The following KPNA5 variants were observed in gnomAD, a reference collection of about 807,000 sequenced individuals.
KPNA5 encodes karyopherin subunit alpha 5.
Under a neutral mutation model 71.3 loss-of-function variants are expected in KPNA5, and 46 were observed. The ratio of observed to expected loss-of-function variants is 0.65; its 90% CI spans 0.51 to 0.83. KPNA5 has a LOEUF of 0.83. Among genes scored for constraint, KPNA5 ranks in the 40% least tolerant of loss-of-function variants. KPNA5 has a pLI of 0.00. For missense variants in KPNA5, 547 were observed against 628.3 expected (o/e 0.87, Z 1.38); for synonymous variants, 207 against 201.4 (o/e 1.03, Z -0.24).
chr6:116,681,399 T>A, intron 1 of KPNA5, 61 bp downstream of exon 1: 4 of 1,498,432 alleles, frequency 2.7e-6, no homozygotes, highest in Non-Finnish European at 3.6e-6. Flanking sequence ...CTTTGGGAAC[T>A]ACTAGTTCCT....
chr6:116,702,177 T>C, intron 6 of KPNA5, 27 bp downstream of exon 6: 1 of 1,589,892 alleles, frequency 6.3e-7, no homozygotes, highest in Non-Finnish European at 8.5e-7. Flanking sequence ...TATTGTTGTA[T>C]GTACTAGAAT....
intron 3 of KPNA5, 64 bp from the exon 4 acceptor site, chr6:116,692,229 T>C: frequency 7.0e-7 from 1 of 1,420,944 alleles, no homozygotes; most frequent in Non-Finnish European, 9.8e-7. Context: ...CAAATATTTA[T>C]GCATGCAAAA....
chr6:116,685,885 CTAATT>C (rs1777564152), intron 1 of KPNA5, among the ~76,000 whole-genome samples: 1 of 152,150 alleles, frequency 6.6e-6, no homozygotes, highest in Non-Finnish European at 1.5e-5. Flanking sequence ...AGTGATTGAA[CTAATT>C]TACATTTGTT....
Position 116,716,303 on chromosome 6 carries a change from T to G in KPNA5, c.741T>G (p.Pro247=). ...LSNLCRGKNP[P]PNFSKVSPCL... is the part of the protein sequence containing the mutation. The stretch of plus-strand genomic sequence containing the variant: ...ATTTATGTAGAGGCAAAAACCCTCC[T>G]CCAAACTTTAGTAAGGTATGAGTAA... The change falls in exon 8 of 14, where the codon CCT becomes CCG. Residue 247 remains proline (P), a synonymous_variant. Coordinates refer to ENST00000368564, the MANE Select transcript of KPNA5 (RefSeq NM_001366306.2). The G allele has an allele frequency of 6.2e-7, 1 of 1,609,876 alleles. No homozygotes were observed. The highest frequency in any genetic ancestry group is 8.5e-7 in the Non-Finnish European group (1 of 1,176,666).
At chr6:116,692,212 T>G (rs951629705) in intron 3 of KPNA5, 56 bp downstream of exon 3, 2 of 1,431,482 alleles carry the variant, frequency 1.4e-6, no homozygotes, top group East Asian at 4.6e-5. Context: ...AGCAATAGTA[T>G]GTATAACAAA....
In KPNA5 at chr6:116,739,609, C is replaced by T. The variant is rs902798071; in HGVS notation, c.*7286C>T. 7.9e-5 allele frequency: 12 copies of T among 152,154 alleles called. No individual in the cohort carries two copies. Among genetic ancestry groups the T allele is most frequent in the South Asian group, 2.1e-4 (1 of 4,826 alleles). 9.4% of individuals were successfully genotyped at this position (152,154 alleles called of 1,614,324 possible). ...CCTGACTTCAAACTATACTATAAGG[C>T]GACAGTAACCAAAACAGCATGGTAC... On this transcript the variant is annotated 3_prime_UTR_variant, in exon 14 of 14. Transcript: ENST00000368564.
At chr6:116,711,538 A>ATGTGTG (rs143357784) in intron 7 of KPNA5, among the ~76,000 whole-genome samples, 26,974 of 143,286 alleles carry the variant, frequency 0.19, 2,592 homozygotes, top group East Asian at 0.28. Flanking sequence ...TTTTCTGCAT[A>ATGTGTG]TGTGTGTGTG....
At chr6:116,697,218 A>T (rs888039648) in intron 4 of KPNA5, among the ~76,000 whole-genome samples, 8 of 152,082 alleles carry the variant, frequency 5.3e-5, no homozygotes, top group African/African-American at 1.7e-4. Flanking sequence ...TTAAGATGGA[A>T]GGTAAAATGA....
intron 2 of KPNA5, among the ~76,000 whole-genome samples, 189 bp downstream of exon 2, chr6:116,689,642 G>A (rs1352443839): frequency 6.6e-6 from 1 of 152,102 alleles, no homozygotes; most frequent in Non-Finnish European, 1.5e-5. Flanking sequence ...GGGAGAAATG[G>A]ATTTTCTGTT....
intron 2 of KPNA5, 142 bp from the exon 3 acceptor site, chr6:116,691,913 T>G (rs1420668164): frequency 1.6e-5 from 11 of 671,056 alleles, no homozygotes; most frequent in Non-Finnish European, 2.6e-5. Context: ...GTATAATGAT[T>G]GGGAAATACT....
chr6:116,685,936 T>G (rs901499688), intron 1 of KPNA5, among the ~76,000 whole-genome samples: 1 of 152,174 alleles, frequency 6.6e-6, no homozygotes, highest in African/African-American at 2.4e-5. Context: ...TGAGACATGG[T>G]CTCACTGTTG....
intron 4 of KPNA5, among the ~76,000 whole-genome samples, chr6:116,694,674 A>G (rs928878096): frequency 2.0e-5 from 3 of 152,132 alleles, no homozygotes; most frequent in Admixed American, 2.0e-4. Flanking sequence ...ACAATCAGAC[A>G]TGATTTTTTA....
chr6:116,698,831 C>T, intron 5 of KPNA5, 33 bp downstream of exon 5: 1 of 1,256,604 alleles, frequency 8.0e-7, no homozygotes. Context: ...TAATTTTTCT[C>T]TAGAAATGAC....
intron 1 of KPNA5, among the ~76,000 whole-genome samples, chr6:116,684,127 G>A (rs965402088): frequency 3.3e-5 from 5 of 151,642 alleles, no homozygotes; most frequent in Middle Eastern, 3.4e-3. Context: ...TGGCCAGGCC[G>A]GTCTTGAACT....
chr6:116,689,596 A>G, intron 2 of KPNA5, 143 bp downstream of exon 2: 1 of 659,554 alleles, frequency 1.5e-6, no homozygotes, highest in East Asian at 3.3e-5. Context: ...ATAATTGCAA[A>G]TTTGTGAAAC....
At position 116,733,244 on chromosome 6, in the gene KPNA5, T is replaced by G. The variant is rs890331984; in HGVS notation, c.*921T>G. The G allele has an allele frequency of 2.0e-5, 3 of 151,110 alleles. No homozygotes were observed. The East Asian group carries it at 5.8e-4, about 29-fold the overall frequency. 9.4% of individuals were successfully genotyped at this position (151,110 alleles called of 1,614,324 possible). A position where few individuals can be genotyped will look rare whatever the true frequency, so the allele number is the denominator to read the frequency against. On this transcript the variant is annotated 3_prime_UTR_variant, in exon 14 of 14. Coordinates refer to ENST00000368564, the MANE Select transcript of KPNA5 (RefSeq NM_001366306.2). ...TTTTCAGAGCAGTAATTGAAAAGTT[T>G]CATTTTCTGTATAATAGTACTAGTT...
chr6:116,741,342 A>G lies in KPNA5; in HGVS notation c.*9019A>G, dbSNP rs1779866449. On this transcript the variant is annotated 3_prime_UTR_variant, in exon 14 of 14. Transcript: ENST00000368564. ...TTTTTACATTATTTTGTGCATAGAAATTTAGAATTACATCTTTTTTTTTAA... is the reference window on the plus strand; with the variant it reads ...TTTTTACATTATTTTGTGCATAGAAGTTTAGAATTACATCTTTTTTTTTAA... 1 of 141,212 alleles carries G rather than the reference A, an allele frequency of 7.1e-6. No homozygotes were observed. The highest frequency in any genetic ancestry group is 3.4e-3 in the Middle Eastern group (1 of 292). The allele number at this position is 141,212 out of a possible 1,614,324, so 8.7% of individuals were successfully genotyped here.
At chr6:116,729,506 C>A in intron 12 of KPNA5, 57 bp from the exon 13 acceptor site, 3 of 1,152,184 alleles carry the variant, frequency 2.6e-6, no homozygotes, top group Non-Finnish European at 3.5e-6. Flanking sequence ...ACAAACAGTA[C>A]TTAAGTCTTT....
Position 116,716,270 on chromosome 6 carries a change from CCT to C in KPNA5, c.712_713del (p.Ser238LysfsTer4), listed in dbSNP as rs1396649505. The C allele has an allele frequency of 1.2e-6, 2 of 1,613,158 alleles. No homozygotes were observed. The highest frequency in any genetic ancestry group is 1.7e-6 in the Non-Finnish European group (2 of 1,179,728). ...LTTTRNAVWALSNLCRGKNPP... is the reference protein window; with the variant it reads ...LTTTRNAVWAXSNLCRGKNPP... ...CAACAACAAGAAATGCCGTGTGGGC[CCT>C]CTCAAATTTATGTAGAGGCAAAAAC... On this transcript the variant is annotated frameshift_variant, in exon 8 of 14. Transcript: ENST00000368564. LOFTEE classifies it high-confidence loss of function.
Sources: allele counts gnomAD v4.1 joint callset (sites outside exome capture counted in the v4.1 genomes callset), GRCh38; gene constraint gnomAD v4.1.1; transcripts MANE v1.5; gene names NCBI Gene and HGNC (gene_info 2026-07-23, HGNC 2026-07-21).